COL4A5: variants seen among roughly 807,000 people sequenced by gnomAD.
The protein encoded by COL4A5 is collagen type IV alpha 5 chain, also known as collagen alpha-5(IV) chain.
COL4A5 carries 26 observed loss-of-function variants against 130.2 expected under a neutral mutation model. The ratio of observed to expected loss-of-function variants is 0.20; its 90% CI spans 0.15 to 0.28. The LOEUF is 0.28. Ranked by LOEUF, COL4A5 falls within the 10% of genes least tolerant of loss-of-function variation. COL4A5 has a pLI of 1.00. For missense variants in COL4A5, 1,131 were observed against 1,344.3 expected (o/e 0.84, Z 2.48); for synonymous variants, 496 against 439.6 (o/e 1.13, Z -1.60).
At chrX:108,474,854 G>A (rs2064816670) in intron 1 of COL4A5, among the ~76,000 whole-genome samples, 1 of 111,614 alleles carries the variant, frequency 9.0e-6, no homozygotes, top group African/African-American at 3.3e-5. Flanking sequence ...TAAAGAGACT[G>A]TCCTTTCTCC....
intron 13 of COL4A5, among the ~76,000 whole-genome samples, chrX:108,578,913 C>T (rs1022825141): frequency 5.4e-5 from 6 of 110,862 alleles, no homozygotes; most frequent in African/African-American, 9.8e-5. Flanking sequence ...CTCCTGACCT[C>T]GTGATCTGCC....
At chrX:108,692,980 A>G in intron 50 of COL4A5, 55 bp downstream of exon 50, 3 of 1,154,940 alleles carry the variant, frequency 2.6e-6, no homozygotes, top group Non-Finnish European at 3.6e-6. Flanking sequence ...TTAGCTAGTC[A>G]GATTTGAGTC....
intron 2 of COL4A5, among the ~76,000 whole-genome samples, chrX:108,556,117 A>C (rs183985252): frequency 8.9e-6 from 1 of 111,776 alleles, no homozygotes; most frequent in African/African-American, 3.2e-5. Flanking sequence ...TGGAGAAGAC[A>C]GTAGAACATG....
intron 1 of COL4A5, among the ~76,000 whole-genome samples, chrX:108,472,547 C>T (rs907224847): frequency 5.4e-5 from 6 of 111,536 alleles, no homozygotes; most frequent in Non-Finnish European, 7.5e-5. Flanking sequence ...TATATGTTGA[C>T]GAATTTACAC....
chrX:108,605,619 A>G (rs1411654273), intron 28 of COL4A5, among the ~76,000 whole-genome samples: 1 of 112,260 alleles, frequency 8.9e-6, no homozygotes, highest in Non-Finnish European at 1.9e-5. Flanking sequence ...GACCTGCTCA[A>G]TGTAGGGTTG....
rs774352105 is a variant in COL4A5, at chrX:108,606,896, T to C, written c.2395+4T>C. On this transcript the variant is annotated splice_donor_region_variant and intron_variant, in intron 29 of 52. Coordinates refer to ENST00000328300, the MANE Select transcript of COL4A5 (RefSeq NM_033380.3). ...GATGGGCTCCCTGGACCAAAAGGTA[T>C]GGAGGCTGTCACTGCATCTCAACTT... The C allele has an allele frequency of 5.0e-6, 6 of 1,210,937 alleles. No homozygotes were observed. The East Asian group carries it at 1.5e-4, about 30-fold the overall frequency.
chrX:108,632,804 A>G (rs2067287882), intron 36 of COL4A5, among the ~76,000 whole-genome samples: 1 of 112,023 alleles, frequency 8.9e-6, no homozygotes, highest in South Asian at 3.7e-4. Flanking sequence ...AAAACTCAAT[A>G]AACTAGGTAT....
At chrX:108,679,424 T>C (rs887484942) in intron 44 of COL4A5, among the ~76,000 whole-genome samples, 2 of 111,223 alleles carry the variant, frequency 1.8e-5, no homozygotes, top group African/African-American at 6.5e-5. Context: ...GCATTTCTTA[T>C]CATTTTTGAC....
chrX:108,665,789 G>A (rs1055889086), intron 38 of COL4A5, among the ~76,000 whole-genome samples: 1 of 112,227 alleles, frequency 8.9e-6, no homozygotes, highest in Non-Finnish European at 1.9e-5. Flanking sequence ...AGTGGCTCAC[G>A]CCTGTAATCC....
intron 26 of COL4A5, 37 bp from the exon 27 acceptor site, chrX:108,601,848 G>A (rs1447139932): frequency 1.2e-6 from 1 of 861,533 alleles, no homozygotes; most frequent in African/African-American, 2.0e-5. Flanking sequence ...TTCTTTCTTT[G>A]AACGTTTTCC....
intron 1 of COL4A5, among the ~76,000 whole-genome samples, chrX:108,458,284 A>G (rs2147484076): frequency 8.9e-6 from 1 of 111,797 alleles, no homozygotes; most frequent in East Asian, 2.8e-4. Flanking sequence ...GTTTAGTTCC[A>G]GCACCATTTG....
chrX:108,649,807 A>G (rs754560427), intron 36 of COL4A5, among the ~76,000 whole-genome samples: 61 of 112,142 alleles, frequency 5.4e-4, no homozygotes, highest in African/African-American at 1.7e-3. Flanking sequence ...TAAAAAATCT[A>G]GAAGATATCA....
At chrX:108,621,705 C>A in intron 31 of COL4A5, 98 bp from the exon 32 acceptor site, 1 of 668,259 alleles carries the variant, frequency 1.5e-6, no homozygotes, top group Non-Finnish European at 2.4e-6. Flanking sequence ...TGCCTTACGT[C>A]CAACCCTCAA....
chrX:108,665,614 G>A (rs1569505391), intron 38 of COL4A5, 27 bp downstream of exon 38: 4 of 1,071,069 alleles, frequency 3.7e-6, no homozygotes, highest in South Asian at 1.9e-5. Flanking sequence ...ACAGTTTGCT[G>A]TTTTATAAAA....
chrX:108,606,130 A>G (rs2147830700), intron 28 of COL4A5, among the ~76,000 whole-genome samples: 1 of 111,886 alleles, frequency 8.9e-6, no homozygotes, highest in Admixed American at 9.5e-5. Flanking sequence ...TCATGAGAAA[A>G]CCACTTCTCT....
In COL4A5 at chrX:108,696,569, T is replaced by C. The variant is rs781246031; in HGVS notation, c.*191T>C. 10 of 312,460 alleles carry C rather than the reference T, an allele frequency of 3.2e-5. No homozygotes were observed. Among genetic ancestry groups the C allele is most frequent in the Non-Finnish European group, 5.6e-5 (10 of 179,085 alleles). The allele number at this position is 312,460 out of a possible 1,213,427, so 25.8% of individuals were successfully genotyped here. On this transcript the variant is annotated 3_prime_UTR_variant, in exon 53 of 53. Coordinates refer to ENST00000328300, the MANE Select transcript of COL4A5 (RefSeq NM_033380.3). ...ACCTCAGCAATGCGCCAGAGCAAAG[T>C]CTCTATTATTTTTCTACTAAAGAAA...
At position 108,626,292 on chromosome X, in the gene COL4A5, C is replaced by A. The variant is rs768698527; in HGVS notation, c.3189C>A (p.Gly1063=). Residue 1063 remains glycine, a synonymous_variant, in exon 36 of 53, where the codon GGC becomes GGA. Transcript: ENST00000328300. ...PGSPGLPGQK[G]DKGDPGISSI... ...CCCCAGGATTACCTGGACAGAAAGG[C>A]GACAAAGGTGATCCTGGTATTTCAA... is the stretch of plus-strand genomic sequence containing the variant. 1.4e-5 allele frequency: 17 copies of A among 1,210,567 alleles called. No homozygotes were observed. Among genetic ancestry groups the A allele is most frequent in the Non-Finnish European group, 1.9e-5 (17 of 894,864 alleles).
intron 44 of COL4A5, among the ~76,000 whole-genome samples, chrX:108,678,310 A>G (rs761273126): frequency 9.0e-6 from 1 of 111,339 alleles, no homozygotes; most frequent in African/African-American, 3.3e-5. Flanking sequence ...TAAAGTAGTG[A>G]TCCTTAAAGC....
chrX:108,629,905 G>A (rs1424840489), intron 36 of COL4A5, among the ~76,000 whole-genome samples: 2 of 110,657 alleles, frequency 1.8e-5, no homozygotes, highest in Admixed American at 9.7e-5. Context: ...GAGAACATGC[G>A]GTGTTCGGTT....
Sources: allele counts gnomAD v4.1 joint callset (sites outside exome capture counted in the v4.1 genomes callset), GRCh38; gene constraint gnomAD v4.1.1; transcripts MANE v1.5; gene names NCBI Gene and HGNC (gene_info 2026-07-23, HGNC 2026-07-21).